The following RSU1 variants were observed in gnomAD, a reference collection of about 807,000 sequenced individuals.
The protein encoded by RSU1 is rsu-1.
Under a neutral mutation model 31.1 loss-of-function variants are expected in RSU1, and 26 were observed. That is an observed-to-expected ratio of 0.84 (90% CI 0.61 to 1.16). RSU1 has a LOEUF of 1.16. Ranked by LOEUF, RSU1 falls within the 50% of genes most tolerant of loss-of-function variation. The pLI is 0.00. For synonymous variants in RSU1, 164 were observed against 136.3 expected (o/e 1.20, Z -1.41); for missense variants, 320 against 339.1 (o/e 0.94, Z 0.44).
At chr10:16,612,212 C>T (rs575183371) in intron 8 of RSU1, among the ~76,000 whole-genome samples, 31 of 152,296 alleles carry the variant, frequency 2.0e-4, no homozygotes, top group Admixed American at 5.2e-4. Flanking sequence ...TTAGACAAAA[C>T]ACTGTTTCTT....
chr10:16,709,440 G>C (rs914041638), intron 7 of RSU1, among the ~76,000 whole-genome samples: 1 of 152,122 alleles, frequency 6.6e-6, no homozygotes, highest in Non-Finnish European at 1.5e-5. Flanking sequence ...ATTGTGAATA[G>C]TGCCGCAATA....
chr10:16,728,497 A>G (rs7079365), intron 7 of RSU1, among the ~76,000 whole-genome samples: 19,343 of 152,170 alleles, frequency 0.13, 3,028 homozygotes, highest in African/African-American at 0.37. Context: ...TAGGCCCATC[A>G]TGAAGCAGGG....
intron 7 of RSU1, among the ~76,000 whole-genome samples, chr10:16,732,062 C>A (rs1410944066): frequency 6.6e-6 from 1 of 152,110 alleles, no homozygotes; most frequent in Non-Finnish European, 1.5e-5. Context: ...CAGTAGCTTC[C>A]ACCAAACTGA....
chr10:16,744,949 C>G (rs199636930), intron 7 of RSU1, among the ~76,000 whole-genome samples: 1 of 152,154 alleles, frequency 6.6e-6, no homozygotes, highest in Admixed American at 6.5e-5. Context: ...GAGGATAATT[C>G]CCAGCCTTTC....
Position 16,593,346 on chromosome 10 carries a change from T to A in RSU1, c.*48A>T. ...AGAGACAGGGCAAGAGAGAATGAAGTGTTGGAGAGAGAAGGTGCTGGAAGG... is the reference window on the plus strand; with the variant it reads ...AGAGACAGGGCAAGAGAGAATGAAGAGTTGGAGAGAGAAGGTGCTGGAAGG... On this transcript the variant is annotated 3_prime_UTR_variant, in exon 9 of 9. Coordinates refer to ENST00000345264, the MANE Select transcript of RSU1 (RefSeq NM_012425.4). 1 of 1,613,010 alleles carries A rather than the reference T, an allele frequency of 6.2e-7. No homozygotes were observed. Among genetic ancestry groups the A allele is most frequent in the South Asian group, 1.1e-5 (1 of 90,900 alleles).
intron 8 of RSU1, among the ~76,000 whole-genome samples, chr10:16,593,869 T>C (rs1833557164): frequency 6.6e-6 from 1 of 152,214 alleles, no homozygotes; most frequent in Admixed American, 6.5e-5. Flanking sequence ...GCGAGCATGA[T>C]GCTTGGCCCG....
intron 8 of RSU1, among the ~76,000 whole-genome samples, chr10:16,649,825 A>T (rs1365605845): frequency 6.6e-6 from 1 of 152,194 alleles, no homozygotes; most frequent in Non-Finnish European, 1.5e-5. Context: ...AGGAGATTTA[A>T]TTTTTGGGGG....
At chr10:16,664,260 C>T (rs181653898) in intron 8 of RSU1, among the ~76,000 whole-genome samples, 53 of 152,214 alleles carry the variant, frequency 3.5e-4, no homozygotes, top group Admixed American at 3.0e-3. Context: ...GTACCCATAC[C>T]AAAACGACCA....
intron 3 of RSU1, among the ~76,000 whole-genome samples, chr10:16,781,713 G>A (rs527594208): frequency 3.3e-4 from 50 of 152,064 alleles, no homozygotes; most frequent in Non-Finnish European, 7.1e-4. Context: ...CAGGCCAGGC[G>A]CCACGGTTCA....
chr10:16,611,735 C>G (rs1303626537), intron 8 of RSU1, among the ~76,000 whole-genome samples: 1 of 152,190 alleles, frequency 6.6e-6, no homozygotes, highest in East Asian at 1.9e-4. Context: ...ACACAGCAAG[C>G]AACGCTGGTA....
chr10:16,637,456 G>C (rs548531694), intron 8 of RSU1, among the ~76,000 whole-genome samples: 1 of 150,344 alleles, frequency 6.7e-6, no homozygotes, highest in African/African-American at 2.5e-5. Flanking sequence ...TTTTCCTAAG[G>C]ATTTTTTTTT....
chr10:16,592,765 T>TTTAA lies in RSU1; in HGVS notation c.*625_*628dup, dbSNP rs1234907087. The TTTAA allele has an allele frequency of 2.0e-5, 3 of 152,242 alleles. No individual in the cohort carries two copies. The highest frequency in any genetic ancestry group is 2.9e-5 in the Non-Finnish European group (2 of 68,044). 9.4% of individuals were successfully genotyped at this position (152,242 alleles called of 1,614,324 possible). On this transcript the variant is annotated 3_prime_UTR_variant, in exon 9 of 9. Transcript: ENST00000345264. ...TAATGTGAGAAGAAACGAACTGTGA[T>TTTAA]TTAATTTTGCATTTCTTTCATGAAA...
At chr10:16,729,820 C>A (rs1000944514) in intron 7 of RSU1, among the ~76,000 whole-genome samples, 1 of 152,148 alleles carries the variant, frequency 6.6e-6, no homozygotes, top group Non-Finnish European at 1.5e-5. Context: ...TGGCTCTGGG[C>A]CTAATCAAGT....
At chr10:16,778,454 C>T (rs1338051782) in intron 3 of RSU1, among the ~76,000 whole-genome samples, 4 of 152,054 alleles carry the variant, frequency 2.6e-5, no homozygotes, top group African/African-American at 4.8e-5. Flanking sequence ...GTAATTACTG[C>T]GAAGCCACTA....
intron 7 of RSU1, among the ~76,000 whole-genome samples, chr10:16,697,647 G>A (rs10904793): frequency 0.4 from 60,080 of 149,492 alleles, 12,139 homozygotes; most frequent in African/African-American, 0.46. Context: ...CTGGGTAACA[G>A]AGCAAGACTG....
At chr10:16,799,070 G>T (rs1838096610) in intron 2 of RSU1, among the ~76,000 whole-genome samples, 1 of 152,164 alleles carries the variant, frequency 6.6e-6, no homozygotes, top group South Asian at 2.1e-4. Flanking sequence ...GCGCATAAAA[G>T]ATAGGGGTGC....
chr10:16,724,640 T>A (rs1039850330), intron 7 of RSU1, among the ~76,000 whole-genome samples: 3 of 152,128 alleles, frequency 2.0e-5, no homozygotes, highest in Admixed American at 6.5e-5. Flanking sequence ...TCACGAACAG[T>A]GACTTTACTG....
chr10:16,731,900 G>C (rs1297573876), intron 7 of RSU1, among the ~76,000 whole-genome samples: 1 of 151,742 alleles, frequency 6.6e-6, no homozygotes, highest in Non-Finnish European at 1.5e-5. Context: ...CGATATTGTT[G>C]GGACAGGGCA....
At chr10:16,643,902 T>TTA (rs1554762387) in intron 8 of RSU1, among the ~76,000 whole-genome samples, 5 of 141,882 alleles carry the variant, frequency 3.5e-5, no homozygotes, top group African/African-American at 1.3e-4. Context: ...TTTTTTTTTT[T>TTA]AAAAAAACTT....
Sources: gnomAD v4.1 joint callset for allele counts (sites outside exome capture counted in the v4.1 genomes callset) on GRCh38, gnomAD v4.1.1 for gene constraint, MANE v1.5 for transcripts, NCBI Gene and HGNC (gene_info 2026-07-23, HGNC 2026-07-21) for gene names.